ANO4: variants seen among roughly 807,000 people sequenced by gnomAD.
The protein encoded by ANO4 is anoctamin-4.
In ANO4, 69 loss-of-function variants were observed where a neutral mutation model predicts 141.9. The ratio of observed to expected loss-of-function variants is 0.49; its 90% CI spans 0.40 to 0.59. ANO4 has a LOEUF of 0.59. Among genes scored for constraint, ANO4 ranks in the 20% least tolerant of loss-of-function variants. The probability of loss-of-function intolerance (pLI) is 0.00; values close to 1 mark genes in which losing one functional copy is unlikely to be tolerated. For synonymous variants in ANO4, 350 were observed against 394.3 expected (o/e 0.89, Z 1.33); for missense variants, 894 against 1,162.2 (o/e 0.77, Z 3.36).
chr12:101,096,542 C>T lies in ANO4; in HGVS notation c.1745C>T (p.Pro582Leu). The T allele has an allele frequency of 6.2e-7, 1 of 1,613,206 alleles. No homozygotes were observed. The highest frequency in any genetic ancestry group is 8.5e-7 in the Non-Finnish European group (1 of 1,179,344). Residue 582 changes from proline (P) to leucine (L), a missense_variant, in exon 19 of 28, where the codon CCT (proline) becomes CTT (leucine). This residue lies in a region of ANO4 where 637 missense variants were observed against 909.2 expected (regional missense o/e 0.70). Coordinates refer to ENST00000392977, the MANE Select transcript of ANO4 (RefSeq NM_001286615.2). Reference protein sequence around the residue: ...VALLLTNLEQPRTESEWENSF... With the variant: ...VALLLTNLEQLRTESEWENSF... ...GCTCACCTTTTGTCCACAGAACAGC[C>T]TCGCACAGAGTCTGAGTGGGAGAAC...
chr12:100,874,712 G>T (rs2039207819), intron 1 of ANO4, among the ~76,000 whole-genome samples: 1 of 151,968 alleles, frequency 6.6e-6, no homozygotes, highest in African/African-American at 2.4e-5. Context: ...TAGAGACAGG[G>T]TTTTGCCATG....
chr12:100,914,965 C>T (rs1254824908), intron 2 of ANO4, among the ~76,000 whole-genome samples: 1 of 152,132 alleles, frequency 6.6e-6, no homozygotes, highest in Non-Finnish European at 1.5e-5. Flanking sequence ...CAGGTATGCA[C>T]CAATATGCCC....
intron 1 of ANO4, among the ~76,000 whole-genome samples, chr12:100,731,591 T>C (rs1030973119): frequency 2.6e-5 from 4 of 152,210 alleles, no homozygotes; most frequent in African/African-American, 9.7e-5. Flanking sequence ...TATCCACCAT[T>C]GCAGTATCAT....
chr12:100,746,713 A>G (rs967460528), intron 3 of ANO4, among the ~76,000 whole-genome samples: 1 of 152,116 alleles, frequency 6.6e-6, no homozygotes, highest in Non-Finnish European at 1.5e-5. Flanking sequence ...TCATTGTCCC[A>G]TGTTCACTGT....
intron 3 of ANO4, among the ~76,000 whole-genome samples, chr12:100,926,014 A>T (rs1253602604): frequency 1.3e-5 from 2 of 151,988 alleles, no homozygotes; most frequent in Non-Finnish European, 2.9e-5. Context: ...AAGTAATAAT[A>T]GATAAGATTT....
At chr12:101,006,352 T>G (rs2045871066) in intron 8 of ANO4, among the ~76,000 whole-genome samples, 1 of 152,188 alleles carries the variant, frequency 6.6e-6, no homozygotes, top group Admixed American at 6.5e-5. Context: ...CCATTTTGTC[T>G]TATTAGGATG....
intron 1 of ANO4, among the ~76,000 whole-genome samples, chr12:100,726,724 T>C (rs951562537): frequency 1.3e-5 from 2 of 152,182 alleles, no homozygotes; most frequent in African/African-American, 4.8e-5. Flanking sequence ...AATGCTACCA[T>C]GACTTATGCA....
chr12:100,977,789 T>C (rs2044268512), intron 7 of ANO4, among the ~76,000 whole-genome samples: 1 of 152,174 alleles, frequency 6.6e-6, no homozygotes, highest in Non-Finnish European at 1.5e-5. Context: ...GTGGCTACCA[T>C]AGAGTGATCA....
chr12:100,746,709 T>G (rs1021652225), intron 3 of ANO4, among the ~76,000 whole-genome samples: 5 of 152,170 alleles, frequency 3.3e-5, no homozygotes, highest in Non-Finnish European at 7.4e-5. Context: ...TAACTCATTG[T>G]CCCATGTTCA....
At chr12:101,127,130 T>G (rs1036096226) in intron 27 of ANO4, 56 bp downstream of exon 27, 2 of 1,502,252 alleles carry the variant, frequency 1.3e-6, no homozygotes, top group African/African-American at 1.4e-5. Context: ...ATGGGTGCTT[T>G]AAACTCCCTG....
intron 1 of ANO4, among the ~76,000 whole-genome samples, chr12:100,852,781 A>G (rs1565937291): frequency 6.6e-6 from 1 of 152,206 alleles, no homozygotes; most frequent in South Asian, 2.1e-4. Flanking sequence ...AAAAATATAC[A>G]AATATACATG....
intron 17 of ANO4, 109 bp downstream of exon 17, chr12:101,086,933 A>G (rs1776076637): frequency 3.1e-6 from 4 of 1,278,102 alleles, no homozygotes; most frequent in Non-Finnish European, 4.3e-6. Flanking sequence ...GGCCATTCAC[A>G]TAGCACTGAT....
upstream of ANO4, chr12:100,717,478 GC>G: frequency 2.5e-6 from 1 of 398,266 alleles, no homozygotes. Flanking sequence ...CGCGCAGGGG[GC>G]CGCTCTAGCC....
chr12:100,834,968 A>C (rs576678385), intron 1 of ANO4, among the ~76,000 whole-genome samples: 2 of 152,268 alleles, frequency 1.3e-5, no homozygotes, highest in African/African-American at 4.8e-5. Flanking sequence ...ATGAAGGAGA[A>C]GGAAAGTAGT....
chr12:101,043,623 T>C lies in ANO4; in HGVS notation c.1239T>C (p.Cys413=). ...CATTCATGAGGCTGTCAGACAGCTG[T>C]GTATATGCCAAGGTAATTTCAAACT... ...YCPFMRLSDS[C]VYAKVTHLFD... Residue 413 remains cysteine (C), a synonymous_variant, in exon 13 of 28, where the codon TGT becomes TGC. Transcript: ENST00000392977. 6.2e-7 allele frequency: 1 copy of C among 1,609,960 alleles called. No homozygotes were observed. Among genetic ancestry groups the C allele is most frequent in the Non-Finnish European group, 8.5e-7 (1 of 1,176,492 alleles).
At chr12:100,785,045 G>T (rs532895908) in intron 3 of ANO4, among the ~76,000 whole-genome samples, 1 of 151,896 alleles carries the variant, frequency 6.6e-6, no homozygotes, top group South Asian at 2.1e-4. Context: ...TTAGTAAAAA[G>T]GCTACCTAGT....
chr12:100,952,315 G>A (rs1407257849), intron 5 of ANO4, among the ~76,000 whole-genome samples: 2 of 152,190 alleles, frequency 1.3e-5, no homozygotes, highest in African/African-American at 4.8e-5. Flanking sequence ...TGTTTGTTAA[G>A]TGCCAGATAA....
At chr12:100,777,037 A>T (rs1045583604) in intron 3 of ANO4, among the ~76,000 whole-genome samples, 2 of 152,038 alleles carry the variant, frequency 1.3e-5, no homozygotes, top group African/African-American at 4.8e-5. Context: ...ACAGCTAAGG[A>T]AGATGAAGAA....
At chr12:101,070,303 T>G (rs1381297633) in intron 14 of ANO4, among the ~76,000 whole-genome samples, 1 of 152,076 alleles carries the variant, frequency 6.6e-6, no homozygotes, top group East Asian at 1.9e-4. Flanking sequence ...GGCCAAGTAC[T>G]AGCATAAAAA....
Sources: allele counts gnomAD v4.1 joint callset (sites outside exome capture counted in the v4.1 genomes callset), GRCh38; gene constraint gnomAD v4.1.1; regional missense constraint gnomAD v4.1.1; transcripts MANE v1.5; gene names NCBI Gene and HGNC (gene_info 2026-07-23, HGNC 2026-07-21).